RGL1: variants seen among roughly 807,000 people sequenced by gnomAD.
RGL1 encodes ral guanine nucleotide dissociation stimulator like 1.
A neutral mutation model predicts 95.2 loss-of-function variants in RGL1; 24 were observed. That is an observed-to-expected ratio of 0.25 (90% CI 0.18 to 0.35). RGL1 has a LOEUF of 0.35. Ranked by LOEUF, RGL1 falls within the 10% of genes least tolerant of loss-of-function variation. The pLI is 1.00. For synonymous variants in RGL1, 329 were observed against 344.9 expected, an observed-to-expected ratio of 0.95 and a Z score of 0.51; for missense variants, 715 against 936.3, an observed-to-expected ratio of 0.76 and a Z score of 3.08.
chr1:183,822,168 A>T lies in RGL1; in HGVS notation c.138+15683A>T, dbSNP rs75364711. On this transcript the variant is annotated intron_variant, in intron 2 of 17. Transcript: ENST00000360851. Reference sequence around the variant, plus strand: ...TGTATTTATTCTGACAGTTGTAAAAATTCTTTTGGGCTGACCCATTTTTCT... The same window carrying T: ...TGTATTTATTCTGACAGTTGTAAAATTTCTTTTGGGCTGACCCATTTTTCT... Among the ~76,000 whole-genome samples the T allele has an allele frequency of 8.7e-3, 1,326 of 152,256 alleles. 9 individuals are homozygous for T. Among genetic ancestry groups the T allele is most frequent in the Non-Finnish European group, 0.014 (961 of 68,014 alleles).
At chr1:183,656,288 C>A (rs1336802808) in intron 1 of RGL1, among the ~76,000 whole-genome samples, 1 of 152,112 alleles carries the variant, frequency 6.6e-6, no homozygotes, top group East Asian at 1.9e-4. Flanking sequence ...AACAGAGTGA[C>A]CTCAATGCCT....
chr1:183,754,196 T>C (rs1572371724), intron 2 of RGL1, among the ~76,000 whole-genome samples: 2 of 152,276 alleles, frequency 1.3e-5, no homozygotes, highest in South Asian at 2.1e-4. Context: ...TAGTCAACTT[T>C]CCTTGTATTG....
chr1:183,870,297 G>C (rs559288083), intron 4 of RGL1, among the ~76,000 whole-genome samples: 135 of 121,928 alleles, frequency 1.1e-3, no homozygotes, highest in African/African-American at 3.5e-3. Context: ...TCCGGCCAGG[G>C]TAGGTGTCTT....
At chr1:183,773,776 T>A (rs1218987852) in intron 2 of RGL1, among the ~76,000 whole-genome samples, 6 of 152,174 alleles carry the variant, frequency 3.9e-5, no homozygotes, top group Admixed American at 3.9e-4. Flanking sequence ...TCATCTTAAG[T>A]AGTATGGATA....
chr1:183,838,141 A>G (rs2491439), intron 2 of RGL1, among the ~76,000 whole-genome samples: 121,430 of 152,212 alleles, frequency 0.8, 48,599 homozygotes, highest in Middle Eastern at 0.88. Flanking sequence ...TGGTCGGCAA[A>G]CTTCTTAAAA....
At chr1:183,767,956 G>GAA (rs34733204) in intron 2 of RGL1, among the ~76,000 whole-genome samples, 5 of 150,446 alleles carry the variant, frequency 3.3e-5, no homozygotes, top group South Asian at 2.1e-4. Flanking sequence ...CCGTCTCAAA[G>GAA]AAAAAAAAAA....
chr1:183,874,262 G>A (rs1666356708), intron 4 of RGL1, among the ~76,000 whole-genome samples: 2 of 151,554 alleles, frequency 1.3e-5, no homozygotes, highest in South Asian at 4.2e-4. Context: ...AAATGAAAGA[G>A]CTGGGATTTA....
chr1:183,926,219 G>A lies in RGL1; in HGVS notation c.2234G>A (p.Arg745Gln), dbSNP rs374712571. The A allele has an allele frequency of 1.5e-5, 24 of 1,613,764 alleles. No homozygotes were observed. The highest frequency in any genetic ancestry group is 4.0e-5 in the African/African-American group (3 of 74,924). The change falls in exon 18 of 18, where the codon CGG (arginine) becomes CAG (glutamine). Residue 745 changes from arginine (R) to glutamine (Q), a missense_variant. Coordinates refer to ENST00000360851, the MANE Select transcript of RGL1 (RefSeq NM_001297671.3). ...SMEEQVKLRS[R>Q]TSLTLPRTAK... is the part of the protein sequence containing the mutation. The stretch of plus-strand genomic sequence containing the variant: ...GAAGAACAAGTGAAACTGCGTAGCC[G>A]GACCAGCTTGACGTTGCCCAGGACA...
intron 1 of RGL1, among the ~76,000 whole-genome samples, chr1:183,735,790 T>A (rs1481365964): frequency 1.3e-5 from 2 of 152,236 alleles, no homozygotes; most frequent in African/African-American, 4.8e-5. Flanking sequence ...TCCCTTCTGA[T>A]GTCTGTCTGT....
intron 1 of RGL1, among the ~76,000 whole-genome samples, chr1:183,643,543 G>A (rs1023087931): frequency 5.3e-5 from 8 of 151,938 alleles, no homozygotes; most frequent in Non-Finnish European, 8.8e-5. Flanking sequence ...CGCCTACCTC[G>A]GCCTCCCAAA....
intron 12 of RGL1, among the ~76,000 whole-genome samples, chr1:183,904,505 C>T (rs1668202588): frequency 6.6e-6 from 1 of 151,994 alleles, no homozygotes; most frequent in South Asian, 2.1e-4. Flanking sequence ...AATCATTTTT[C>T]TATTCCAAGG....
chr1:183,644,707 C>G (rs182438431), intron 1 of RGL1, among the ~76,000 whole-genome samples: 1 of 151,842 alleles, frequency 6.6e-6, no homozygotes, highest in Non-Finnish European at 1.5e-5. Context: ...AAAACCAATA[C>G]GAAGAGTAAG....
At chr1:183,909,129 G>A (rs1235848719) in intron 14 of RGL1, among the ~76,000 whole-genome samples, 1 of 152,176 alleles carries the variant, frequency 6.6e-6, no homozygotes, top group Non-Finnish European at 1.5e-5. Context: ...TTGAGTTTGG[G>A]CATCTATTAT....
chr1:183,805,971 C>CTTT (rs751229707), intron 1 of RGL1, among the ~76,000 whole-genome samples: 2 of 74,612 alleles, frequency 2.7e-5, no homozygotes, highest in East Asian at 4.7e-4. Context: ...CTTTTCTTTT[C>CTTT]TTTTTTTTTT....
chr1:183,692,975 G>A (rs895864534), intron 1 of RGL1, among the ~76,000 whole-genome samples: 1 of 148,408 alleles, frequency 6.7e-6, no homozygotes, highest in African/African-American at 2.5e-5. Context: ...TTTTTTTTGA[G>A]ATGGAGTCTC....
chr1:183,708,656 C>T (rs1655070073), intron 1 of RGL1, among the ~76,000 whole-genome samples: 1 of 152,248 alleles, frequency 6.6e-6, no homozygotes, highest in Non-Finnish European at 1.5e-5. Context: ...GTGCCTGGCA[C>T]ATGCCAGAGC....
chr1:183,805,048 A>G (rs1350014619), upstream of RGL1: 2 of 372,400 alleles, frequency 5.4e-6, no homozygotes, highest in African/African-American at 4.3e-5. Context: ...CAAACAGGAA[A>G]GCCTTACATC....
At chr1:183,915,541 T>C (rs955039021) in intron 15 of RGL1, among the ~76,000 whole-genome samples, 3 of 152,224 alleles carry the variant, frequency 2.0e-5, no homozygotes, top group Non-Finnish European at 2.9e-5. Flanking sequence ...CAGTTGGCTC[T>C]ACTAGCAAAT....
intron 1 of RGL1, among the ~76,000 whole-genome samples, chr1:183,666,166 C>T (rs1353536895): frequency 5.3e-5 from 8 of 151,798 alleles, no homozygotes; most frequent in East Asian, 1.9e-4. Context: ...CCACCACACT[C>T]GGCTAATTTT....
Sources: allele counts gnomAD v4.1 joint callset (sites outside exome capture counted in the v4.1 genomes callset), GRCh38; gene constraint gnomAD v4.1.1; transcripts MANE v1.5; gene names NCBI Gene and HGNC (gene_info 2026-07-23, HGNC 2026-07-21).